The following CDKL2 variants were observed in gnomAD, a reference collection of about 807,000 sequenced individuals.
The protein encoded by CDKL2 is cyclin-dependent kinase-like 2.
In CDKL2, 64 loss-of-function variants were observed where a neutral mutation model predicts 63.9. The ratio of observed to expected loss-of-function variants is 1.00; its 90% CI spans 0.82 to 1.23. The LOEUF (loss-of-function observed/expected upper bound fraction) is 1.23. CDKL2 is among the 50% of genes most tolerant of loss of function. The pLI, the probability that CDKL2 is intolerant of heterozygous loss-of-function variation, is 0.00. For missense variants in CDKL2, 656 were observed against 668.0 expected, an observed-to-expected ratio of 0.98 and a Z score of 0.20; for synonymous variants, 211 against 229.2, an observed-to-expected ratio of 0.92 and a Z score of 0.72.
Position 75,614,254 on chromosome 4 carries a change from C to A in CDKL2, c.363+1G>T, listed in dbSNP as rs1242642795. 6.3e-7 allele frequency: 1 copy of A among 1,576,176 alleles called. No homozygotes were observed. The highest frequency in any genetic ancestry group is 1.7e-5 in the Admixed American group (1 of 57,642). On this transcript the variant is annotated splice_donor_variant, in intron 3 of 13. Coordinates refer to ENST00000307465, the MANE Select transcript of CDKL2 (RefSeq NM_001330724.2). LOFTEE classifies it high-confidence loss of function. ...GCAAATTATTTAAACCCAATACTTA[C>A]ATTGTGACTGTGACAAAATCCAATT... is the stretch of plus-strand genomic sequence containing the variant.
At chr4:75,622,715 C>CAAAAA (rs1171964321) in intron 2 of CDKL2, among the ~76,000 whole-genome samples, 256 of 13,964 alleles carry the variant, frequency 0.018, 10 homozygotes, top group Middle Eastern at 0.12. Context: ...AAGACTCCAT[C>CAAAAA]AAAAAAAAAA....
At position 75,607,330 on chromosome 4, in the gene CDKL2, A is replaced by T; in HGVS notation, c.395T>A (p.Ile132Lys). Residue 132 changes from isoleucine (I) to lysine (K), a missense_variant, in exon 4 of 14, where the codon ATA (isoleucine) becomes AAA (lysine). Ile to Lys is a moderately radical substitution (Grantham distance 102). Transcript: ENST00000307465. ...IIHRDIKPENILVSQSGVVKL... is the reference protein window; with the variant it reads ...IIHRDIKPENKLVSQSGVVKL... The stretch of plus-strand genomic sequence containing the variant: ...GACAACGCCAGACTGGGAGACTAAT[A>T]TATTCTCTGGCTTTATATCTCTGTG... 6.2e-7 allele frequency: 1 copy of T among 1,613,938 alleles called. No individual in the cohort carries two copies. The highest frequency in any genetic ancestry group is 8.5e-7 in the Non-Finnish European group (1 of 1,179,866).
At chr4:75,626,468 C>A (rs6829225) in intron 1 of CDKL2, among the ~76,000 whole-genome samples, 1 of 152,016 alleles carries the variant, frequency 6.6e-6, no homozygotes, top group South Asian at 2.1e-4. Flanking sequence ...AGATTGAGAC[C>A]ATCCTGGCTA....
intron 13 of CDKL2, among the ~76,000 whole-genome samples, chr4:75,581,311 G>A (rs7699659): frequency 0.4 from 61,170 of 152,026 alleles, 13,074 homozygotes; most frequent in African/African-American, 0.51. Context: ...AACATGCTGT[G>A]CAGGCTTGTA....
At chr4:75,593,099 G>C (rs189610535) in intron 10 of CDKL2, among the ~76,000 whole-genome samples, 6 of 152,086 alleles carry the variant, frequency 3.9e-5, no homozygotes, top group African/African-American at 1.4e-4. Flanking sequence ...TGCCATTCTG[G>C]CTACCAGAAA....
At chr4:75,593,228 TAAAG>T (rs1728784236) in intron 10 of CDKL2, among the ~76,000 whole-genome samples, 1 of 151,016 alleles carries the variant, frequency 6.6e-6, no homozygotes, top group Admixed American at 6.6e-5. Flanking sequence ...ATAAAATAGT[TAAAG>T]AAAACTATAT....
At chr4:75,602,154 T>C (rs1729218285) in intron 6 of CDKL2, among the ~76,000 whole-genome samples, 1 of 121,806 alleles carries the variant, frequency 8.2e-6, no homozygotes, top group Non-Finnish European at 1.8e-5. Flanking sequence ...TCCTATGCCC[T>C]ACATTTTGTT....
Position 75,607,319 on chromosome 4 carries a change from G to C in CDKL2, c.406C>G (p.Gln136Glu). 1 of 1,613,934 alleles carries C rather than the reference G, an allele frequency of 6.2e-7. No homozygotes were observed. The highest frequency in any genetic ancestry group is 8.5e-7 in the Non-Finnish European group (1 of 1,179,834). Residue 136 changes from glutamine (Q) to glutamate (E), a missense_variant, in exon 4 of 14, where the codon CAG (glutamine) becomes GAG (glutamate). Physicochemically the swap from Gln to Glu is conservative, Grantham distance 29. Transcript: ENST00000307465. ...DIKPENILVS[Q>E]SGVVKLCDFG... ...TCGCATAGCTTGACAACGCCAGACT[G>C]GGAGACTAATATATTCTCTGGCTTT...
chr4:75,580,325 A>T (rs1182197508), intron 13 of CDKL2, among the ~76,000 whole-genome samples: 2 of 152,168 alleles, frequency 1.3e-5, no homozygotes, highest in East Asian at 3.9e-4. Context: ...ACATAATGAG[A>T]TATTAAACAT....
intron 4 of CDKL2, 108 bp from the exon 5 acceptor site, chr4:75,605,742 TTCAGATTTCAGATTC>T (rs935020148): frequency 3.1e-6 from 2 of 655,424 alleles, no homozygotes; most frequent in African/African-American, 3.7e-5. Context: ...ACCAGAGCAT[TTCAGATTTCAGATTC>T]TCAGATTTGG....
chr4:75,607,813 A>G (rs962424867), intron 3 of CDKL2, among the ~76,000 whole-genome samples: 12 of 151,526 alleles, frequency 7.9e-5, no homozygotes, highest in South Asian at 2.1e-4. Context: ...GATTGTGGGG[A>G]AAAAAAAATT....
intron 4 of CDKL2, among the ~76,000 whole-genome samples, chr4:75,606,731 A>T (rs1380246475): frequency 6.6e-6 from 1 of 152,238 alleles, no homozygotes; most frequent in Non-Finnish European, 1.5e-5. Flanking sequence ...AACTTGTAGA[A>T]AATATTTTAG....
At chr4:75,586,179 G>A (rs1728471642) in intron 12 of CDKL2, among the ~76,000 whole-genome samples, 1 of 150,978 alleles carries the variant, frequency 6.6e-6, no homozygotes, top group Non-Finnish European at 1.5e-5. Flanking sequence ...ATTCATAGGT[G>A]AGAGAAGAAA....
chr4:75,590,877 G>T (rs1409305423), intron 12 of CDKL2, among the ~76,000 whole-genome samples: 1 of 152,194 alleles, frequency 6.6e-6, no homozygotes, highest in Admixed American at 6.5e-5. Flanking sequence ...TGAAAAATCT[G>T]TCTGAAGCAG....
chr4:75,580,176 G>T (rs1728199612), intron 13 of CDKL2, among the ~76,000 whole-genome samples: 1 of 152,030 alleles, frequency 6.6e-6, no homozygotes, highest in African/African-American at 2.4e-5. Context: ...GGAGGCTGAG[G>T]CATGAGGATC....
chr4:75,607,164 C>G lies in CDKL2; in HGVS notation c.542+19G>C. On this transcript the variant is annotated intron_variant, in intron 4 of 13. Transcript: ENST00000307465. Reference sequence around the variant, plus strand: ...AAGCAAGAGTAAAAATCTACTCCTCCCCATTACTGATGTCTTACTTGCCAT... The same window carrying G: ...AAGCAAGAGTAAAAATCTACTCCTCGCCATTACTGATGTCTTACTTGCCAT... The G allele has an allele frequency of 6.3e-7, 1 of 1,586,942 alleles. No homozygotes were observed. The highest frequency in any genetic ancestry group is 8.6e-7 in the Non-Finnish European group (1 of 1,161,228).
intron 10 of CDKL2, among the ~76,000 whole-genome samples, chr4:75,593,373 A>G (rs1432774696): frequency 6.6e-6 from 1 of 151,984 alleles, no homozygotes; most frequent in African/African-American, 2.4e-5. Flanking sequence ...GGCATAAAGC[A>G]TGGGAGAGAG....
At chr4:75,592,016 A>G in intron 11 of CDKL2, 91 bp from the exon 12 acceptor site, 2 of 1,282,126 alleles carry the variant, frequency 1.6e-6, no homozygotes, top group Non-Finnish European at 2.1e-6. Flanking sequence ...CTCAGTATGT[A>G]CTTATTATAA....
At position 75,620,149 on chromosome 4, in the gene CDKL2, G is replaced by A. The variant is rs557311294; in HGVS notation, c.168+5672C>T. Reference sequence around the variant, plus strand: ...ATTGAGGCTGAAGTGAGCCATAATTGCACCACTGCACTCCAGCCTGGGTGA... The same window carrying A: ...ATTGAGGCTGAAGTGAGCCATAATTACACCACTGCACTCCAGCCTGGGTGA... On this transcript the variant is annotated intron_variant, in intron 2 of 13. Coordinates refer to ENST00000307465, the MANE Select transcript of CDKL2 (RefSeq NM_001330724.2). Among the ~76,000 whole-genome samples the A allele has an allele frequency of 2.3e-4, 35 of 152,212 alleles. 1 individual carries two copies. In the South Asian group the frequency reaches 5.6e-3, roughly 24 times the overall value.
Sources: gnomAD v4.1 joint callset for allele counts (sites outside exome capture counted in the v4.1 genomes callset) on GRCh38, gnomAD v4.1.1 for gene constraint, MANE v1.5 for transcripts, NCBI Gene and HGNC (gene_info 2026-07-23, HGNC 2026-07-21) for gene names.